The following MAPK10 variants were observed in gnomAD, a reference collection of about 807,000 sequenced individuals.
MAPK10 encodes JNK3 alpha protein kinase.
MAPK10 carries 25 observed loss-of-function variants against 59.3 expected under a neutral mutation model. The observed-to-expected ratio is 0.42, with a 90% confidence interval of 0.31 to 0.59. MAPK10 has a LOEUF of 0.59. MAPK10 is among the 20% of genes least tolerant of loss of function. The pLI, the probability that MAPK10 is intolerant of heterozygous loss-of-function variation, is 0.15. For missense variants in MAPK10, 351 were observed against 568.9 expected, an observed-to-expected ratio of 0.62 and a Z score of 3.90; for synonymous variants, 190 against 200.5, an observed-to-expected ratio of 0.95 and a Z score of 0.44.
chr4:86,224,735 T>A (rs1460750), intron 2 of MAPK10, among the ~76,000 whole-genome samples: 49,934 of 152,040 alleles, frequency 0.33, 11,149 homozygotes, highest in African/African-American at 0.64. Flanking sequence ...TAACATAATC[T>A]ATGCACAAGA....
chr4:86,207,062 T>C (rs1336970370), intron 2 of MAPK10, among the ~76,000 whole-genome samples: 3 of 151,506 alleles, frequency 2.0e-5, no homozygotes, highest in Non-Finnish European at 4.4e-5. Flanking sequence ...TAGATCCCAT[T>C]TGTCAATTTT....
chr4:86,138,732 G>T (rs1039884297), intron 4 of MAPK10, among the ~76,000 whole-genome samples: 1 of 151,992 alleles, frequency 6.6e-6, no homozygotes, highest in African/African-American at 2.4e-5. Flanking sequence ...ATTAGGAACA[G>T]AGGAAGTCAA....
intron 1 of MAPK10, among the ~76,000 whole-genome samples, chr4:86,588,227 G>A (rs1038908968): frequency 4.6e-5 from 7 of 152,054 alleles, no homozygotes; most frequent in African/African-American, 1.7e-4. Context: ...TCATGAGTAC[G>A]GTCCCAAAGT....
chr4:86,515,606 A>G (rs575328360), intron 1 of MAPK10, among the ~76,000 whole-genome samples: 2 of 151,950 alleles, frequency 1.3e-5, no homozygotes, highest in African/African-American at 4.8e-5. Context: ...GCATTTTTTC[A>G]TATGTTTGTT....
intron 1 of MAPK10, among the ~76,000 whole-genome samples, chr4:86,577,903 C>T (rs1762015945): frequency 6.6e-6 from 1 of 151,934 alleles, no homozygotes; most frequent in Non-Finnish European, 1.5e-5. Flanking sequence ...GTGGTCTAGG[C>T]AGTAAGTGCT....
At chr4:86,323,658 T>C (rs1440144299) in intron 2 of MAPK10, among the ~76,000 whole-genome samples, 1 of 152,190 alleles carries the variant, frequency 6.6e-6, no homozygotes, top group African/African-American at 2.4e-5. Flanking sequence ...TTCCCAGTCA[T>C]AGTCTCTGAG....
At chr4:86,543,096 G>A (rs1042421212) in intron 1 of MAPK10, among the ~76,000 whole-genome samples, 3 of 152,090 alleles carry the variant, frequency 2.0e-5, no homozygotes, top group Non-Finnish European at 2.9e-5. Flanking sequence ...CTGTGAAATC[G>A]CAAAGCCAAG....
chr4:86,383,654 C>T (rs1417498276), intron 1 of MAPK10, among the ~76,000 whole-genome samples: 1 of 152,128 alleles, frequency 6.6e-6, no homozygotes, highest in East Asian at 1.9e-4. Flanking sequence ...AACACCAAGA[C>T]ATGTCTTCAA....
At chr4:86,397,975 C>A (rs1743184147) in intron 1 of MAPK10, among the ~76,000 whole-genome samples, 1 of 149,908 alleles carries the variant, frequency 6.7e-6, no homozygotes, top group Admixed American at 6.7e-5. Context: ...TCGTAACATG[C>A]AATACTCTGA....
At chr4:86,180,269 A>C (rs2076596246) in intron 3 of MAPK10, among the ~76,000 whole-genome samples, 1 of 152,050 alleles carries the variant, frequency 6.6e-6, no homozygotes, top group South Asian at 2.1e-4. Flanking sequence ...CTACAAATCA[A>C]AACCACATTG....
chr4:86,506,373 G>A (rs1755737434), intron 1 of MAPK10, among the ~76,000 whole-genome samples: 1 of 152,082 alleles, frequency 6.6e-6, no homozygotes, highest in African/African-American at 2.4e-5. Flanking sequence ...GGTTCAAATT[G>A]TATTTTTGTC....
chr4:86,134,854 G>A (rs1302965170), intron 4 of MAPK10, among the ~76,000 whole-genome samples: 7 of 152,188 alleles, frequency 4.6e-5, no homozygotes, highest in African/African-American at 1.7e-4. Context: ...GAAGCAGGGC[G>A]AGGCATTGCC....
rs2095058347 is a variant in MAPK10 at position 86,287,506 on chromosome 4, GA to G, written c.-7+67023del. On this transcript the variant is annotated intron_variant, in intron 2 of 13. Transcript: ENST00000641462. ...GAAAACACAGCTGCCATCGTTTTAG[GA>G]AAGAAATAGTCATGAGTAATGCTTT... 1.3e-5 allele frequency among the ~76,000 whole-genome samples: 2 copies of G among 152,116 alleles called. 1 individual carries two copies. Among genetic ancestry groups the G allele is most frequent in the Admixed American group, 1.3e-4 (2 of 15,256 alleles).
intron 2 of MAPK10, among the ~76,000 whole-genome samples, chr4:86,227,722 C>A (rs1392397064): frequency 1.3e-5 from 2 of 152,070 alleles, no homozygotes; most frequent in Non-Finnish European, 2.9e-5. Flanking sequence ...TGGATCTGCC[C>A]ACATTATTTA....
chr4:86,225,304 T>G (rs898996004), intron 2 of MAPK10, among the ~76,000 whole-genome samples: 1 of 152,122 alleles, frequency 6.6e-6, no homozygotes, highest in Non-Finnish European at 1.5e-5. Context: ...AAGTCTCAAA[T>G]TTTTGTACAT....
intron 2 of MAPK10, among the ~76,000 whole-genome samples, chr4:86,263,097 C>T (rs924962076): frequency 6.6e-6 from 1 of 152,154 alleles, no homozygotes; most frequent in Admixed American, 6.5e-5. Context: ...CTATCATCTC[C>T]AGGTTTCAGG....
intron 2 of MAPK10, among the ~76,000 whole-genome samples, chr4:86,211,546 A>G (rs571105441): frequency 1.3e-5 from 2 of 152,272 alleles, no homozygotes; most frequent in African/African-American, 4.8e-5. Flanking sequence ...AGAATTCACT[A>G]CCACTAGACC....
chr4:86,575,576 A>C (rs1171604690), intron 1 of MAPK10, among the ~76,000 whole-genome samples: 1 of 151,298 alleles, frequency 6.6e-6, no homozygotes, highest in African/African-American at 2.4e-5. Flanking sequence ...GCTGAGTTTT[A>C]TTTTTCTTTT....
chr4:86,530,830 C>G (rs942925416), intron 1 of MAPK10, among the ~76,000 whole-genome samples: 1 of 152,138 alleles, frequency 6.6e-6, no homozygotes, highest in Non-Finnish European at 1.5e-5. Context: ...TAGCATCTAC[C>G]AAGAGAAAAT....
Sources: allele counts gnomAD v4.1 joint callset (sites outside exome capture counted in the v4.1 genomes callset), GRCh38; gene constraint gnomAD v4.1.1; transcripts MANE v1.5; gene names NCBI Gene and HGNC (gene_info 2026-07-23, HGNC 2026-07-21).